The following ADGRL3 variants were observed in gnomAD, a reference collection of about 807,000 sequenced individuals.
The protein encoded by ADGRL3 is calcium-independent alpha-latrotoxin receptor 3.
Under a neutral mutation model 153.5 loss-of-function variants are expected in ADGRL3, and 62 were observed. The ratio of observed to expected loss-of-function variants is 0.40; its 90% CI spans 0.33 to 0.50. The LOEUF (loss-of-function observed/expected upper bound fraction) is 0.50. Ranked by LOEUF, ADGRL3 falls within the 20% of genes least tolerant of loss-of-function variation. The pLI is 0.47. For missense variants in ADGRL3, 1,641 were observed against 1,859.4 expected (o/e 0.88, Z 2.16); for synonymous variants, 710 against 672.5 (o/e 1.06, Z -0.86).
intron 6 of ADGRL3, among the ~76,000 whole-genome samples, chr4:61,680,734 GAA>G: frequency 6.6e-6 from 1 of 152,154 alleles, no homozygotes; most frequent in African/African-American, 2.4e-5. Flanking sequence ...ATGTCAATGA[GAA>G]AGAAAATAAG....
chr4:61,258,372 A>G (rs568879824), intron 1 of ADGRL3, among the ~76,000 whole-genome samples: 1 of 152,134 alleles, frequency 6.6e-6, no homozygotes, highest in Non-Finnish European at 1.5e-5. Context: ...CATGTGGTTT[A>G]TGTTGTATCA....
At chr4:61,226,330 G>A (rs1486064479) in intron 1 of ADGRL3, among the ~76,000 whole-genome samples, 2 of 152,102 alleles carry the variant, frequency 1.3e-5, no homozygotes, top group African/African-American at 2.4e-5. Context: ...CTGTAAGTAG[G>A]CAGTCTTTAG....
At chr4:61,977,783 A>AAT (rs2099053289) in intron 17 of ADGRL3, among the ~76,000 whole-genome samples, 1 of 152,166 alleles carries the variant, frequency 6.6e-6, no homozygotes, top group South Asian at 2.1e-4. Flanking sequence ...CTGCCTTTAA[A>AAT]AATCAATTTT....
rs1561142256 is a variant in ADGRL3, at chr4:61,733,311, G to C, written c.1156G>C (p.Gly386Arg). 6.2e-7 allele frequency: 1 copy of C among 1,613,564 alleles called. No individual in the cohort carries two copies. Among genetic ancestry groups the C allele is most frequent in the African/African-American group, 1.3e-5 (1 of 74,906 alleles). ...RSASNAFMIC[G>R]ILYVVKSVYE... ...AGCTTCCAATGCCTTTATGATTTGT[G>C]GAATTCTGTATGTGGTCAAATCTGT... Residue 386 changes from glycine to arginine, a missense_variant, in exon 8 of 27, where the codon GGA (glycine) becomes CGA (arginine). By Grantham distance (125) the Gly-to-Arg change is moderately radical. Transcript: ENST00000683033.
chr4:61,892,376 G>A (rs572425145), intron 9 of ADGRL3, among the ~76,000 whole-genome samples: 37 of 152,222 alleles, frequency 2.4e-4, no homozygotes, highest in African/African-American at 8.9e-4. Context: ...GAAGAGTTGA[G>A]TTGTGCTGTA....
At chr4:61,490,658 A>C (rs1403206816) in intron 2 of ADGRL3, among the ~76,000 whole-genome samples, 1 of 151,354 alleles carries the variant, frequency 6.6e-6, no homozygotes, top group Non-Finnish European at 1.5e-5. Context: ...TGCTTTCTTC[A>C]TACTTATTTA....
intron 3 of ADGRL3, among the ~76,000 whole-genome samples, chr4:61,503,210 A>G (rs1315682688): frequency 6.6e-6 from 1 of 152,072 alleles, no homozygotes; most frequent in East Asian, 1.9e-4. Flanking sequence ...CAATTGGAAA[A>G]TAATTTTTTT....
At chr4:62,032,136 T>C (rs928762464) in intron 23 of ADGRL3, among the ~76,000 whole-genome samples, 1 of 151,520 alleles carries the variant, frequency 6.6e-6, no homozygotes, top group African/African-American at 2.4e-5. Flanking sequence ...TTTGAATGAA[T>C]GATGGAATAG....
intron 26 of ADGRL3, among the ~76,000 whole-genome samples, chr4:62,068,664 A>G (rs568198630): frequency 6.6e-6 from 1 of 152,242 alleles, no homozygotes; most frequent in Non-Finnish European, 1.5e-5. Flanking sequence ...AAAAGCTATC[A>G]CCCATCACAT....
rs528113666 is a variant in ADGRL3 at position 62,054,141 on chromosome 4, A to G, written c.3814+9592A>G. 2.3e-4 allele frequency among the ~76,000 whole-genome samples: 35 copies of G among 151,766 alleles called. No individual in the cohort carries two copies. The South Asian group carries it at 5.2e-3, about 22-fold the overall frequency. On this transcript the variant is annotated intron_variant, in intron 25 of 26. Transcript: ENST00000683033. ...TAAGTGCCTTTGATTTACTAAAAAG[A>G]ACTGTGGTTTACTGCTATTTTGCCT...
intron 1 of ADGRL3, among the ~76,000 whole-genome samples, chr4:61,277,650 C>T (rs78763739): frequency 9.2e-5 from 14 of 152,010 alleles, no homozygotes; most frequent in Admixed American, 3.9e-4. Context: ...TCCAGAGCCA[C>T]GCCTTGCCAG....
At chr4:61,961,568 G>C (rs1002764133) in intron 17 of ADGRL3, among the ~76,000 whole-genome samples, 3 of 152,094 alleles carry the variant, frequency 2.0e-5, no homozygotes, top group Non-Finnish European at 4.4e-5. Context: ...TTTCATTTCT[G>C]ATGAAGTTGT....
intron 1 of ADGRL3, among the ~76,000 whole-genome samples, chr4:61,230,284 G>A (rs1285019324): frequency 6.6e-6 from 1 of 152,128 alleles, no homozygotes; most frequent in African/African-American, 2.4e-5. Flanking sequence ...TATTGTTCCT[G>A]TATTACACTT....
chr4:61,750,501 A>G (rs940874773), intron 8 of ADGRL3, among the ~76,000 whole-genome samples: 2 of 152,158 alleles, frequency 1.3e-5, no homozygotes, highest in East Asian at 3.9e-4. Context: ...ATATATTAGA[A>G]CTGAAGTCGG....
chr4:61,786,769 T>C (rs1275048413), intron 8 of ADGRL3, among the ~76,000 whole-genome samples: 1 of 152,194 alleles, frequency 6.6e-6, no homozygotes, highest in East Asian at 1.9e-4. Context: ...TATTCTGCCA[T>C]TTGCCCATTA....
chr4:61,280,329 G>A (rs892425648), intron 1 of ADGRL3, among the ~76,000 whole-genome samples: 4 of 151,590 alleles, frequency 2.6e-5, no homozygotes, highest in East Asian at 1.9e-4. Flanking sequence ...GGATGGTCTC[G>A]ATCTCCTGAC....
At chr4:61,860,703 C>G (rs557299609) in intron 9 of ADGRL3, among the ~76,000 whole-genome samples, 1 of 152,186 alleles carries the variant, frequency 6.6e-6, no homozygotes, top group South Asian at 2.1e-4. Flanking sequence ...ATCTCAGAAC[C>G]CTTTCATATT....
chr4:61,930,257 T>C (rs1347422932), intron 13 of ADGRL3, among the ~76,000 whole-genome samples: 1 of 152,112 alleles, frequency 6.6e-6, no homozygotes, highest in Admixed American at 6.6e-5. Context: ...TATTTATTTT[T>C]ACGTTTTTCA....
intron 8 of ADGRL3, among the ~76,000 whole-genome samples, chr4:61,808,993 CAA>C (rs964515475): frequency 6.6e-6 from 1 of 151,992 alleles, no homozygotes; most frequent in African/African-American, 2.4e-5. Flanking sequence ...TTAAAAACCT[CAA>C]GAGTAAAAAT....
Sources: gnomAD v4.1 joint callset for allele counts (sites outside exome capture counted in the v4.1 genomes callset) on GRCh38, gnomAD v4.1.1 for gene constraint, MANE v1.5 for transcripts, NCBI Gene and HGNC (gene_info 2026-07-23, HGNC 2026-07-21) for gene names.